The following RERE variants were observed in gnomAD, a reference collection of about 807,000 sequenced individuals.
RERE encodes arginine-glutamic acid dipeptide repeats protein.
In RERE, 40 loss-of-function variants were observed where a neutral mutation model predicts 146.1. The observed-to-expected ratio is 0.27, with a 90% confidence interval of 0.21 to 0.36. RERE has a LOEUF of 0.36. Ranked by LOEUF, RERE falls within the 10% of genes least tolerant of loss-of-function variation. The pLI is 1.00. For missense variants in RERE, 1,933 were observed against 2,138.7 expected (o/e 0.90, Z 1.90); for synonymous variants, 1,003 against 866.0 (o/e 1.16, Z -2.78).
At chr1:8,615,154 T>C (rs867653939) in intron 3 of RERE, among the ~76,000 whole-genome samples, 24 of 152,218 alleles carry the variant, frequency 1.6e-4, no homozygotes, top group African/African-American at 5.8e-4. Flanking sequence ...ATAGGGCATT[T>C]GGGTGGCCAA....
At chr1:8,726,670 G>A (rs760561638) in intron 1 of RERE, among the ~76,000 whole-genome samples, 22 of 152,112 alleles carry the variant, frequency 1.4e-4, no homozygotes, top group Non-Finnish European at 3.1e-4. Context: ...CCATTGCCAG[G>A]AGAAGCATGA....
At chr1:8,378,764 A>C (rs1353470598) in intron 12 of RERE, among the ~76,000 whole-genome samples, 1 of 152,224 alleles carries the variant, frequency 6.6e-6, no homozygotes, top group Non-Finnish European at 1.5e-5. Flanking sequence ...ACAGCAGACT[A>C]ATACATAAGC....
chr1:8,367,237 C>T (rs754522840), intron 12 of RERE, among the ~76,000 whole-genome samples: 25 of 152,192 alleles, frequency 1.6e-4, no homozygotes, highest in Non-Finnish European at 3.2e-4. Context: ...GACCAGATTT[C>T]ATCCAAAACA....
rs959798732 is a variant in RERE at position 8,423,723 on chromosome 1, CCGCGCGGCGCGGGGCCCGGGGGG to C, written c.1204-939_1204-917del. On this transcript the variant is annotated intron_variant, in intron 11 of 22. Transcript: ENST00000400908. This position sits in a 1 kb window ranked among gnomAD's most constrained non-coding sequence, Gnocchi z 5.4. ...GGCTCGGCGTGTGACCGCGGCGGGG[CCGCGCGGCGCGGGGCCCGGGGGG>C]CGCGGGGCTGGGGCCGCCGCTGACG... 2.2e-5 allele frequency: 22 copies of C among 979,320 alleles called. No homozygotes were observed. In the East Asian group the frequency reaches 5.7e-4, roughly 26 times the overall value. The allele number at this position is 979,320 out of a possible 1,614,324, so 60.7% of individuals were successfully genotyped here. A position where few individuals can be genotyped will look rare whatever the true frequency, so the allele number is the denominator to read the frequency against.
intron 4 of RERE, among the ~76,000 whole-genome samples, chr1:8,559,063 C>A (rs1423670729): frequency 2.6e-5 from 4 of 151,356 alleles, no homozygotes. Flanking sequence ...GCCTCCCAAT[C>A]TGCTGGGATT....
chr1:8,692,344 CTT>C (rs55723477), intron 1 of RERE, among the ~76,000 whole-genome samples: 38 of 147,680 alleles, frequency 2.6e-4, no homozygotes, highest in African/African-American at 8.7e-4. Context: ...CTCCCATATA[CTT>C]TTTTTTTTTC....
At chr1:8,516,127 A>G (rs898664841) in intron 7 of RERE, among the ~76,000 whole-genome samples, 3 of 149,778 alleles carry the variant, frequency 2.0e-5, no homozygotes, top group Non-Finnish European at 3.0e-5. Flanking sequence ...TAAGATGCTG[A>G]GGCAGAAAAA....
In RERE at chr1:8,516,229, A is replaced by G. The variant is rs913839994; in HGVS notation, c.831-7554T>C. 4.4e-4 allele frequency among the ~76,000 whole-genome samples: 63 copies of G among 142,608 alleles called. 1 individual carries two copies. Among genetic ancestry groups the G allele is most frequent in the African/African-American group, 1.7e-3 (62 of 35,874 alleles). The allele number at this position is 142,608 out of a possible 152,430, so 93.6% of individuals were successfully genotyped here. A position where few individuals can be genotyped will look rare whatever the true frequency, so the allele number is the denominator to read the frequency against. On this transcript the variant is annotated intron_variant, in intron 7 of 22. Coordinates refer to ENST00000400908, the MANE Select transcript of RERE (RefSeq NM_001042681.2). ...GACGGAGCAAGACTCTCTCAGAGGA[A>G]AAAAAAAAAAAAAAAAAAAATCTAG...
intron 10 of RERE, among the ~76,000 whole-genome samples, chr1:8,480,433 C>T (rs758765487): frequency 2.0e-5 from 3 of 146,738 alleles, no homozygotes; most frequent in East Asian, 2.0e-4. Context: ...CCACCAGGCC[C>T]GGAAATTTTT....
intron 3 of RERE, among the ~76,000 whole-genome samples, chr1:8,622,754 T>G (rs1461484954): frequency 1.5e-5 from 2 of 136,060 alleles, no homozygotes; most frequent in East Asian, 4.3e-4. Flanking sequence ...AGCAATAACT[T>G]TTTAACAAAG....
At chr1:8,479,456 G>C (rs1344328959) in intron 10 of RERE, among the ~76,000 whole-genome samples, 1 of 152,050 alleles carries the variant, frequency 6.6e-6, no homozygotes, top group Non-Finnish European at 1.5e-5. Flanking sequence ...TTTGGGAAAA[G>C]GGTCTTTGCA....
intron 1 of RERE, among the ~76,000 whole-genome samples, chr1:8,725,696 G>C (rs1222232287): frequency 6.6e-6 from 1 of 152,090 alleles, no homozygotes; most frequent in Non-Finnish European, 1.5e-5. Context: ...CTACAAACTA[G>C]AGCTTCTTAG....
chr1:8,660,821 A>G (rs553453304), intron 1 of RERE, among the ~76,000 whole-genome samples: 1 of 152,370 alleles, frequency 6.6e-6, no homozygotes, highest in South Asian at 2.1e-4. Flanking sequence ...AACACATTAT[A>G]ACATGCTTTA....
intron 4 of RERE, among the ~76,000 whole-genome samples, chr1:8,579,770 A>C (rs1570465120): frequency 6.6e-6 from 1 of 152,340 alleles, no homozygotes; most frequent in South Asian, 2.1e-4. Flanking sequence ...CTGGGAGGCC[A>C]AGGCAGGTGG....
intron 1 of RERE, among the ~76,000 whole-genome samples, chr1:8,756,591 A>G (rs1640642935): frequency 6.6e-6 from 1 of 152,224 alleles, no homozygotes; most frequent in African/African-American, 2.4e-5. Flanking sequence ...TAATGCATCA[A>G]ACTATAATTC....
In RERE at chr1:8,809,468, C is replaced by T. The variant is rs184021041; in HGVS notation, c.-145+7692G>A. 1.1e-3 allele frequency among the ~76,000 whole-genome samples: 170 copies of T among 152,230 alleles called. 2 individuals are homozygous for T. The highest frequency in any genetic ancestry group is 3.9e-3 in the African/African-American group (162 of 41,538). ...TGTTACTACAAGAGACAATAATCTG[C>T]TTTAAAATCTTTCTTCAGACATGCT... On this transcript the variant is annotated intron_variant, in intron 1 of 22. Coordinates refer to ENST00000400908, the MANE Select transcript of RERE (RefSeq NM_001042681.2).
At chr1:8,816,685 A>G (rs377753919) in intron 1 of RERE, among the ~76,000 whole-genome samples, 1 of 152,212 alleles carries the variant, frequency 6.6e-6, no homozygotes, top group East Asian at 1.9e-4. Flanking sequence ...TTTGGGTTTC[A>G]TAATTTTCTA....
chr1:8,362,953 C>G, intron 15 of RERE, 109 bp from the exon 16 acceptor site: 1 of 1,234,550 alleles, frequency 8.1e-7, no homozygotes, highest in Non-Finnish European at 1.1e-6. Context: ...ATCAGCCTCT[C>G]AGCAAATCCC....
chr1:8,694,056 T>A lies in RERE; in HGVS notation c.-144-37615A>T, dbSNP rs183663237. The stretch of plus-strand genomic sequence containing the variant: ...AAAAAAAAAAAAAAAAAGGCCAGAT[T>A]GCTTTAATCCTTACATTTTCCGCAC... On this transcript the variant is annotated intron_variant, in intron 1 of 22. Transcript: ENST00000400908. Among the ~76,000 whole-genome samples the A allele has an allele frequency of 2.1e-5, 3 of 145,492 alleles. No individual in the cohort carries two copies. In the Admixed American group the frequency reaches 2.1e-4, roughly 10 times the overall value.
Sources: gnomAD v4.1 joint callset for allele counts (sites outside exome capture counted in the v4.1 genomes callset) on GRCh38, gnomAD v4.1.1 for gene constraint, Gnocchi (gnomAD v3.1) non-coding constraint, MANE v1.5 for transcripts, NCBI Gene and HGNC (gene_info 2026-07-23, HGNC 2026-07-21) for gene names.